Variants in HS1BP3 observed in about 807,000 individuals in gnomAD.
The protein encoded by HS1BP3 is HCLS1-binding protein 3.
In HS1BP3, 32 loss-of-function variants were observed where a neutral mutation model predicts 33.5. The observed-to-expected ratio is 0.95, with a 90% CI of 0.72 to 1.28. The LOEUF (loss-of-function observed/expected upper bound fraction) is 1.28, where lower values mean the gene tolerates loss of function less well. HS1BP3 is among the 50% of genes most tolerant of loss of function. The pLI is 0.00. For missense variants in HS1BP3, 486 were observed against 502.3 expected (o/e 0.97, Z 0.31); for synonymous variants, 187 against 209.2 (o/e 0.89, Z 0.92).
At chr2:20,573,772 C>T (rs1049645074) in intron 5 of HS1BP3, among the ~76,000 whole-genome samples, 5 of 152,152 alleles carry the variant, frequency 3.3e-5, no homozygotes, top group Admixed American at 2.0e-4. Flanking sequence ...TAGCAAAGCC[C>T]GGAATCCAGA....
intron 4 of HS1BP3, among the ~76,000 whole-genome samples, chr2:20,631,296 T>C (rs1694959008): frequency 1.3e-5 from 2 of 151,774 alleles, no homozygotes; most frequent in South Asian, 4.2e-4. Flanking sequence ...GGAGGATCAC[T>C]TGAGTCCAGG....
At chr2:20,583,555 G>T (rs7574045) in intron 5 of HS1BP3, among the ~76,000 whole-genome samples, 5 of 151,480 alleles carry the variant, frequency 3.3e-5, no homozygotes, top group Admixed American at 6.6e-5. Context: ...GCCTGGCACC[G>T]CTCCTTCCAG....
Position 20,584,512 on chromosome 2 carries a change from G to C in HS1BP3, c.303-23997C>G, listed in dbSNP as rs532542342. Among the ~76,000 whole-genome samples, 10 of 152,352 alleles carry C rather than the reference G, an allele frequency of 6.6e-5. No homozygotes were observed. The South Asian group carries it at 2.1e-3, about 32-fold the overall frequency. ...CACCATCCCCCGCCAACTGCATAAG[G>C]CTCTTCGGGTCAGCAGGGGAGGAGC... On this transcript the variant is annotated intron_variant, in intron 5 of 5. Transcript: ENST00000446825.
chr2:20,640,739 G>A lies in HS1BP3; in HGVS notation c.406+234C>T, dbSNP rs550167569. 117 of 615,204 alleles carry A rather than the reference G, an allele frequency of 1.9e-4. No individual in the cohort carries two copies. The African/African-American group carries it at 2.0e-3, about 10-fold the overall frequency. The allele number at this position is 615,204 out of a possible 1,614,324, so 38.1% of individuals were successfully genotyped here. ...GCCATGGATGGGGTCACACTATGGA[G>A]AATGCCTGCTGTGTGAGCCCCCACC... On this transcript the variant is annotated intron_variant, in intron 3 of 6. Transcript: ENST00000304031.
chr2:20,584,531 G>A (rs905423431), intron 5 of HS1BP3, among the ~76,000 whole-genome samples: 1 of 152,224 alleles, frequency 6.6e-6, no homozygotes, highest in Non-Finnish European at 1.5e-5. Flanking sequence ...GTCAGCAGGG[G>A]AGGAGCAGAA....
intron 5 of HS1BP3, among the ~76,000 whole-genome samples, chr2:20,562,697 T>C (rs1244043361): frequency 2.6e-5 from 4 of 152,092 alleles, no homozygotes; most frequent in Non-Finnish European, 5.9e-5. Flanking sequence ...ACTGAGCCCT[T>C]AGCCTGTGGG....
In HS1BP3 at chr2:20,618,954, A is replaced by G; in HGVS notation, c.*33T>C. ...CCTTCACACCGATGTCCCCACAGAC[A>G]GGCCTGCTGGGCCAGGGGCCAGCAT... On this transcript the variant is annotated 3_prime_UTR_variant, in exon 7 of 7. Transcript: ENST00000304031. The G allele has an allele frequency of 6.3e-7, 1 of 1,597,050 alleles. No homozygotes were observed.
In HS1BP3 at chr2:20,648,261, T is replaced by C. The variant is rs370685937; in HGVS notation, c.33-2756A>G. Among the ~76,000 whole-genome samples the C allele has an allele frequency of 9.2e-5, 14 of 152,326 alleles. No individual in the cohort carries two copies. The South Asian group carries it at 2.9e-3, about 32-fold the overall frequency. ...CCTTGCTCCGTTTCCCTCCTGCCCTTTCCAGCAGAACTCCTCAACAGAGGG... is the reference window on the plus strand; with the variant it reads ...CCTTGCTCCGTTTCCCTCCTGCCCTCTCCAGCAGAACTCCTCAACAGAGGG... On this transcript the variant is annotated intron_variant, in intron 1 of 6. Coordinates refer to ENST00000304031, the MANE Select transcript of HS1BP3 (RefSeq NM_022460.4).
chr2:20,626,768 G>A (rs551721518), intron 4 of HS1BP3, among the ~76,000 whole-genome samples: 4 of 152,282 alleles, frequency 2.6e-5, no homozygotes, highest in East Asian at 1.9e-4. Flanking sequence ...GTGAGGTGGA[G>A]GGAGCCTCGA....
intron 3 of HS1BP3, among the ~76,000 whole-genome samples, chr2:20,593,569 G>A (rs1693871570): frequency 6.6e-6 from 1 of 152,106 alleles, no homozygotes; most frequent in African/African-American, 2.4e-5. Context: ...CGGTTCTCAT[G>A]AGGCCCCCGC....
At chr2:20,571,712 G>T (rs1236449365) in intron 5 of HS1BP3, among the ~76,000 whole-genome samples, 1 of 152,118 alleles carries the variant, frequency 6.6e-6, no homozygotes, top group Non-Finnish European at 1.5e-5. Flanking sequence ...CCCTGCCTTG[G>T]GCCCATGCTC....
intron 6 of HS1BP3, chr2:20,622,467 C>G: frequency 2.2e-6 from 1 of 447,912 alleles, no homozygotes. Flanking sequence ...GTGGGGGGCC[C>G]AGGGATGAAT....
At chr2:20,644,556 A>G (rs527575623) in intron 2 of HS1BP3, among the ~76,000 whole-genome samples, 1 of 152,292 alleles carries the variant, frequency 6.6e-6, no homozygotes, top group East Asian at 1.9e-4. Context: ...TCTTTATTTC[A>G]GTTGGTGGAA....
intron 5 of HS1BP3, among the ~76,000 whole-genome samples, chr2:20,572,777 T>C (rs1014450214): frequency 2.6e-5 from 4 of 152,202 alleles, no homozygotes; most frequent in Middle Eastern, 3.2e-3. Context: ...TCCCATCTGT[T>C]TGGGGGTCAC....
intron 6 of HS1BP3, chr2:20,622,497 T>A (rs1694638031): frequency 1.3e-5 from 5 of 390,108 alleles, no homozygotes; most frequent in South Asian, 9.6e-5. Flanking sequence ...AAGTGCCATG[T>A]GGTGCTGGCC....
At position 20,564,281 on chromosome 2, in the gene HS1BP3, C is replaced by A. The variant is rs148034817; in HGVS notation, c.303-3766G>T. On this transcript the variant is annotated intron_variant, in intron 5 of 5. Coordinates refer to the HS1BP3 transcript ENST00000446825. ...TCACCACCTCTCAGGTGGTCTACTGCAGGGTGGACGGCTGTGACTCCGACA... is the reference window on the plus strand; with the variant it reads ...TCACCACCTCTCAGGTGGTCTACTGAAGGGTGGACGGCTGTGACTCCGACA... Among the ~76,000 whole-genome samples, 1,225 of 152,286 alleles carry A rather than the reference C, an allele frequency of 8.0e-3. 16 individuals are homozygous for A. The highest frequency in any genetic ancestry group is 0.029 in the African/African-American group (1,185 of 41,532).
chr2:20,641,349 G>A (rs546641637), intron 2 of HS1BP3, among the ~76,000 whole-genome samples, 169 bp from the exon 3 acceptor site: 15 of 152,102 alleles, frequency 9.9e-5, no homozygotes, highest in Non-Finnish European at 1.9e-4. Flanking sequence ...TCCTTAACAC[G>A]CCTGGCCGAT....
intron 6 of HS1BP3, among the ~76,000 whole-genome samples, chr2:20,620,882 AG>A (rs1694578016): frequency 6.6e-6 from 1 of 152,264 alleles, no homozygotes; most frequent in African/African-American, 2.4e-5. Context: ...CCCCCAGCCC[AG>A]TCAGACAGGG....
At chr2:20,634,225 CACACCTG>C (rs1267059154) in intron 4 of HS1BP3, among the ~76,000 whole-genome samples, 1 of 152,242 alleles carries the variant, frequency 6.6e-6, no homozygotes, top group African/African-American at 2.4e-5. Flanking sequence ...TGCCACTCTC[CACACCTG>C]TTTCCTTTCT....
Sources: gnomAD v4.1 joint callset for allele counts (sites outside exome capture counted in the v4.1 genomes callset) on GRCh38, gnomAD v4.1.1 for gene constraint, MANE v1.5 for transcripts, NCBI Gene and HGNC (gene_info 2026-07-23, HGNC 2026-07-21) for gene names.